Variants in ADAM12 observed in about 807,000 individuals in gnomAD.
ADAM12 encodes the protein ADAM metallopeptidase domain 12.
Under a neutral mutation model 106.4 loss-of-function variants are expected in ADAM12, and 70 were observed. That is an observed-to-expected ratio of 0.66 (90% CI 0.54 to 0.80). ADAM12 has a LOEUF of 0.80. Among genes scored for constraint, ADAM12 ranks in the 30% least tolerant of loss-of-function variants. The probability of loss-of-function intolerance (pLI) is 0.00; values close to 1 mark genes in which losing one functional copy is unlikely to be tolerated. For missense variants in ADAM12, 1,010 were observed against 1,171.9 expected (o/e 0.86, Z 2.02); for synonymous variants, 420 against 433.5 (o/e 0.97, Z 0.39).
intron 3 of ADAM12, among the ~76,000 whole-genome samples, chr10:126,244,269 G>T (rs1014967377): frequency 6.6e-6 from 1 of 152,212 alleles, no homozygotes; most frequent in Non-Finnish European, 1.5e-5. Context: ...AACTCTGAGA[G>T]ATCAGACAAT....
At chr10:126,207,634 C>A (rs1442864015) in intron 3 of ADAM12, among the ~76,000 whole-genome samples, 3 of 152,150 alleles carry the variant, frequency 2.0e-5, no homozygotes, top group South Asian at 2.1e-4. Context: ...ACTCATATAG[C>A]AATTGGTTAC....
chr10:126,360,798 C>T (rs1020374397), intron 1 of ADAM12, among the ~76,000 whole-genome samples: 1 of 152,220 alleles, frequency 6.6e-6, no homozygotes, highest in African/African-American at 2.4e-5. Context: ...AGCAGTGCCC[C>T]ACTCTACTGG....
chr10:126,023,031 C>T (rs540841711), intron 21 of ADAM12, among the ~76,000 whole-genome samples: 24 of 152,214 alleles, frequency 1.6e-4, no homozygotes, highest in Non-Finnish European at 2.6e-4. Flanking sequence ...ACATGGTAAA[C>T]GAGAGTAAAC....
intron 1 of ADAM12, among the ~76,000 whole-genome samples, chr10:126,382,971 G>A (rs149356489): frequency 6.6e-6 from 1 of 152,204 alleles, no homozygotes; most frequent in East Asian, 1.9e-4. Flanking sequence ...TTGATACAGG[G>A]TCTCATTCTG....
chr10:126,282,718 G>T (rs958302089), intron 2 of ADAM12, among the ~76,000 whole-genome samples: 5 of 152,074 alleles, frequency 3.3e-5, no homozygotes, highest in Admixed American at 1.3e-4. Flanking sequence ...TCCTACAGGT[G>T]GACTTTGGCA....
Position 126,216,867 on chromosome 10 carries a change from C to G in ADAM12, c.261-61562G>C, listed in dbSNP as rs558825544. 5.9e-5 allele frequency among the ~76,000 whole-genome samples: 9 copies of G among 152,334 alleles called. No individual in the cohort carries two copies. The South Asian group carries it at 1.7e-3, about 28-fold the overall frequency. On this transcript the variant is annotated intron_variant, in intron 3 of 22. Transcript: ENST00000448723. ...TTGAAAGATGATCCATGAGGTACCC[C>G]CAAAGGGCTTCTCATCCACATGCAC...
rs149129318 is a variant in ADAM12 at position 126,208,105 on chromosome 10, C to G, written c.261-52800G>C. ...TTATGCTGCTCTGATAAAGGAAATACTTCTATCAGCTGACTGAGATAAGGG... is the reference window on the plus strand; with the variant it reads ...TTATGCTGCTCTGATAAAGGAAATAGTTCTATCAGCTGACTGAGATAAGGG... On this transcript the variant is annotated intron_variant, in intron 3 of 22. Transcript: ENST00000448723. Among the ~76,000 whole-genome samples, 4 of 152,298 alleles carry G rather than the reference C, an allele frequency of 2.6e-5. No homozygotes were observed. In the East Asian group the frequency reaches 7.7e-4, roughly 29 times the overall value.
chr10:126,326,604 G>A (rs554940406), intron 2 of ADAM12, among the ~76,000 whole-genome samples: 3 of 152,186 alleles, frequency 2.0e-5, no homozygotes, highest in South Asian at 2.1e-4. Context: ...ATTCCCCATG[G>A]CTCTCCTCAT....
chr10:126,351,203 C>T, intron 1 of ADAM12, among the ~76,000 whole-genome samples: 1 of 151,996 alleles, frequency 6.6e-6, no homozygotes, highest in South Asian at 2.1e-4. Context: ...CCACCCCACC[C>T]TGCCCTTCCC....
At chr10:126,310,061 AGGCAG>A (rs2133814201) in intron 2 of ADAM12, among the ~76,000 whole-genome samples, 1 of 151,682 alleles carries the variant, frequency 6.6e-6, no homozygotes, top group East Asian at 1.9e-4. Context: ...CAGGACGCTG[AGGCAG>A]GAGAATCGCT....
At chr10:126,200,451 C>T (rs1957677421) in intron 3 of ADAM12, among the ~76,000 whole-genome samples, 2 of 152,052 alleles carry the variant, frequency 1.3e-5, no homozygotes, top group Admixed American at 1.3e-4. Context: ...GGTTAAAAAC[C>T]AGAATTTTGG....
At chr10:126,372,410 T>C (rs549655851) in intron 1 of ADAM12, among the ~76,000 whole-genome samples, 2 of 152,304 alleles carry the variant, frequency 1.3e-5, no homozygotes, top group East Asian at 3.9e-4. Context: ...TGTTGACAAA[T>C]AAACTAAGTT....
intron 11 of ADAM12, among the ~76,000 whole-genome samples, chr10:126,089,713 C>T (rs1337314502): frequency 6.6e-6 from 1 of 152,122 alleles, no homozygotes; most frequent in Non-Finnish European, 1.5e-5. Flanking sequence ...CACTTCCCTC[C>T]AGCCCCCCAC....
chr10:126,018,317 G>A (rs1485898561), intron 22 of ADAM12, among the ~76,000 whole-genome samples: 1 of 152,214 alleles, frequency 6.6e-6, no homozygotes, highest in African/African-American at 2.4e-5. Context: ...ACTCATCTGT[G>A]TGCTGGTAAA....
intron 1 of ADAM12, among the ~76,000 whole-genome samples, chr10:126,385,308 T>A (rs1414491417): frequency 2.6e-5 from 4 of 152,142 alleles, no homozygotes; most frequent in Non-Finnish European, 5.9e-5. Flanking sequence ...GGCGATCAAG[T>A]CAACCTTCAA....
chr10:126,260,782 G>A (rs188560408), intron 3 of ADAM12, among the ~76,000 whole-genome samples: 11 of 152,126 alleles, frequency 7.2e-5, no homozygotes, highest in Non-Finnish European at 1.3e-4. Context: ...TGTCTATCAT[G>A]TCCACCCCAA....
At chr10:126,188,701 A>G (rs1957443558) in intron 3 of ADAM12, among the ~76,000 whole-genome samples, 1 of 151,790 alleles carries the variant, frequency 6.6e-6, no homozygotes, top group Non-Finnish European at 1.5e-5. Context: ...CCCTCATCTT[A>G]CCTTTGGGAA....
intron 3 of ADAM12, among the ~76,000 whole-genome samples, chr10:126,230,225 A>G (rs1366483140): frequency 6.6e-6 from 1 of 151,966 alleles, no homozygotes; most frequent in East Asian, 1.9e-4. Context: ...TGCAGGGTAC[A>G]CTCGTAGAGG....
chr10:126,278,891 T>G (rs779807727), intron 3 of ADAM12, 24 bp downstream of exon 3: 1 of 1,561,744 alleles, frequency 6.4e-7, no homozygotes, highest in Non-Finnish European at 8.8e-7. Context: ...TCTCCTATCA[T>G]GCAATAAACA....
Sources: allele counts gnomAD v4.1 joint callset (sites outside exome capture counted in the v4.1 genomes callset), GRCh38; gene constraint gnomAD v4.1.1; transcripts MANE v1.5; gene names NCBI Gene and HGNC (gene_info 2026-07-23, HGNC 2026-07-21).